TSHZ3: variants seen among roughly 807,000 people sequenced by gnomAD.
TSHZ3 encodes the protein teashirt homolog 3.
TSHZ3 carries 10 observed loss-of-function variants against 64.5 expected under a neutral mutation model. The ratio of observed to expected loss-of-function variants is 0.16; its 90% CI spans 0.10 to 0.26. TSHZ3 has a LOEUF of 0.26. Among genes scored for constraint, TSHZ3 ranks in the 10% least tolerant of loss-of-function variants. The pLI, the probability that TSHZ3 is intolerant of heterozygous loss-of-function variation, is 1.00. For missense variants in TSHZ3, 1,242 were observed against 1,421.7 expected (o/e 0.87, Z 2.03); for synonymous variants, 608 against 593.1 (o/e 1.03, Z -0.36).
Position 31,276,318 on chromosome 19 carries a change from T to C in TSHZ3, c.*229A>G, listed in dbSNP as rs1486360331. 2 of 391,474 alleles carry C rather than the reference T, an allele frequency of 5.1e-6. No homozygotes were observed. The highest frequency in any genetic ancestry group is 7.7e-5 in the East Asian group (2 of 26,080). 24.3% of individuals were successfully genotyped at this position (391,474 alleles called of 1,614,324 possible). On this transcript the variant is annotated 3_prime_UTR_variant, in exon 2 of 2. Transcript: ENST00000240587. Reference sequence around the variant, plus strand: ...ACAACTAAATCCCGTTTACACAAAGTTCCAAACACTTACCACTGCATTTTA... The same window carrying C: ...ACAACTAAATCCCGTTTACACAAAGCTCCAAACACTTACCACTGCATTTTA...
chr19:31,276,715 T>C lies in TSHZ3; in HGVS notation c.3078A>G (p.Glu1026=), dbSNP rs1976240274. The change falls in exon 2 of 2, where the codon GAA becomes GAG. Residue 1026 remains glutamate (E), a synonymous_variant. Transcript: ENST00000240587. ...CCTCGGGGGAGGACGTCACCATTTT[T>C]TCTGACGGTGACTTGGTTTGTGCTA... ...SQIAQTKSPS[E]KMVTSSPEED... 6.2e-7 allele frequency: 1 copy of C among 1,613,596 alleles called. No individual in the cohort carries two copies. The highest frequency in any genetic ancestry group is 1.1e-5 in the South Asian group (1 of 91,068).
intron 1 of TSHZ3, among the ~76,000 whole-genome samples, chr19:31,251,430 A>T (rs940201314): frequency 1.3e-5 from 2 of 152,048 alleles, no homozygotes; most frequent in African/African-American, 4.8e-5. Flanking sequence ...TTCTGGCCTC[A>T]CCCTGCCTCC....
chr19:31,298,498 C>A (rs905048188), intron 1 of TSHZ3, among the ~76,000 whole-genome samples: 1 of 152,122 alleles, frequency 6.6e-6, no homozygotes, highest in Non-Finnish European at 1.5e-5. Context: ...TGAGACACTT[C>A]GGCACCAAGC....
At chr19:31,336,279 T>A (rs755022616) in intron 1 of TSHZ3, among the ~76,000 whole-genome samples, 1 of 152,300 alleles carries the variant, frequency 6.6e-6, no homozygotes, top group East Asian at 1.9e-4. Context: ...TCCTGAACTA[T>A]GACAATTTTT....
Position 31,278,643 on chromosome 19 carries a change from G to C in TSHZ3, c.1150C>G (p.Gln384Glu), listed in dbSNP as rs2145214249. The C allele has an allele frequency of 6.2e-7, 1 of 1,614,164 alleles. No individual in the cohort carries two copies. The highest frequency in any genetic ancestry group is 2.2e-5 in the East Asian group (1 of 44,874). The change falls in exon 2 of 2, where the codon CAG becomes GAG. Residue 384 changes from glutamine (Q) to glutamate (E), a missense_variant. By Grantham distance (29) the Gln-to-Glu change is conservative. This residue lies in a region of TSHZ3 where 555 missense variants were observed against 704.0 expected (regional missense o/e 0.79). Coordinates refer to ENST00000240587, the MANE Select transcript of TSHZ3 (RefSeq NM_020856.4). This position sits in a 1 kb window ranked among gnomAD's most constrained non-coding sequence, Gnocchi z 4.7. ...CCACACTCCATGCACTTCAGGATCT[G>C]CGACTTCCGGGCCTCAAAGTGCCAT... is the stretch of plus-strand genomic sequence containing the variant. ...YAWHFEARKSQILKCMECGSS... is the reference protein window; with the variant it reads ...YAWHFEARKSEILKCMECGSS...
At chr19:31,243,538 G>C (rs954613327) in intron 1 of TSHZ3, among the ~76,000 whole-genome samples, 2 of 152,182 alleles carry the variant, frequency 1.3e-5, no homozygotes, top group Admixed American at 1.3e-4. Flanking sequence ...TCAGAGGGAG[G>C]TGAGCCCGGC....
intron 1 of TSHZ3, among the ~76,000 whole-genome samples, chr19:31,331,407 G>GT (rs897731269): frequency 2.0e-5 from 3 of 152,070 alleles, no homozygotes; most frequent in African/African-American, 4.8e-5. Flanking sequence ...GCGAATTGCT[G>GT]TTTTTTTGTT....
In TSHZ3 at chr19:31,179,654, G is replaced by T. The variant is rs371804465; in HGVS notation, n.810-23237C>A. ...TAGTGGTGACAGTGGTGTTTGTGAT[G>T]GTGGCAATGATGATGGTGGTGGTAA... On this transcript the variant is annotated intron_variant and non_coding_transcript_variant, in intron 5 of 6. Coordinates refer to the TSHZ3 transcript ENST00000651361. 8.7e-4 allele frequency among the ~76,000 whole-genome samples: 132 copies of T among 152,160 alleles called. No individual in the cohort carries two copies. In the South Asian group the frequency reaches 8.8e-3, roughly 10 times the overall value.
At chr19:31,269,504 C>A (rs1448846809) in intron 1 of TSHZ3, among the ~76,000 whole-genome samples, 3 of 151,674 alleles carry the variant, frequency 2.0e-5, no homozygotes, top group Non-Finnish European at 4.4e-5. Flanking sequence ...GGTTTCTGGA[C>A]ACAGGTATGG....
At chr19:31,241,604 C>T (rs1975690529) in intron 3 of TSHZ3, among the ~76,000 whole-genome samples, 1 of 152,218 alleles carries the variant, frequency 6.6e-6, no homozygotes, top group African/African-American at 2.4e-5. Context: ...CTACACACCT[C>T]CCTTTCTCTG....
intron 1 of TSHZ3, among the ~76,000 whole-genome samples, chr19:31,336,291 T>C (rs73553306): frequency 0.031 from 4,696 of 152,264 alleles, 196 homozygotes; most frequent in African/African-American, 0.091. Flanking sequence ...ACAATTTTTT[T>C]TGAGGCTGAA....
intron 3 of TSHZ3, among the ~76,000 whole-genome samples, chr19:31,230,639 G>A: frequency 6.6e-6 from 1 of 151,442 alleles, no homozygotes; most frequent in East Asian, 1.9e-4. Flanking sequence ...CACCTCTCAG[G>A]GCCACGGTCC....
intron 5 of TSHZ3, among the ~76,000 whole-genome samples, chr19:31,183,079 C>T (rs1974742547): frequency 1.3e-5 from 2 of 152,060 alleles, no homozygotes; most frequent in Admixed American, 6.6e-5. Context: ...TGGATCTGAA[C>T]TACAACATCA....
upstream of TSHZ3, among the ~76,000 whole-genome samples, chr19:31,350,017 G>A (rs1456987542): frequency 7.3e-6 from 1 of 136,272 alleles, no homozygotes; most frequent in African/African-American, 2.7e-5. Context: ...CAGCCCCGCC[G>A]AGCCCGTCCC....
At chr19:31,333,236 A>G (rs540722698) in intron 1 of TSHZ3, among the ~76,000 whole-genome samples, 1 of 152,076 alleles carries the variant, frequency 6.6e-6, no homozygotes, top group African/African-American at 2.4e-5. Context: ...GTTCCCTCCC[A>G]CTCCCACCAA....
intron 1 of TSHZ3, among the ~76,000 whole-genome samples, chr19:31,254,655 G>A (rs1975885308): frequency 6.6e-6 from 1 of 152,170 alleles, no homozygotes. Context: ...CCACATTTTG[G>A]AGGAGCAGAG....
chr19:31,173,845 A>G (rs1974570251), intron 5 of TSHZ3, among the ~76,000 whole-genome samples: 1 of 152,176 alleles, frequency 6.6e-6, no homozygotes, highest in Non-Finnish European at 1.5e-5. Context: ...TGAAGCGGGC[A>G]GATCATTTGA....
At chr19:31,237,171 C>G (rs1975629087) in intron 3 of TSHZ3, among the ~76,000 whole-genome samples, 1 of 152,138 alleles carries the variant, frequency 6.6e-6, no homozygotes, top group African/African-American at 2.4e-5. Flanking sequence ...AAACAAAAAA[C>G]AATCAACAGA....
intron 1 of TSHZ3, among the ~76,000 whole-genome samples, chr19:31,255,636 G>A (rs559300644): frequency 1.2e-4 from 19 of 152,196 alleles, no homozygotes; most frequent in South Asian, 4.2e-4. Context: ...GGTTTTGGCC[G>A]GTGTCACAGT....
Sources: gnomAD v4.1 joint callset for allele counts (sites outside exome capture counted in the v4.1 genomes callset) on GRCh38, gnomAD v4.1.1 for gene constraint, gnomAD v4.1.1 regional missense constraint, Gnocchi (gnomAD v3.1) non-coding constraint, MANE v1.5 for transcripts, NCBI Gene and HGNC (gene_info 2026-07-23, HGNC 2026-07-21) for gene names.